The following SLC24A3 variants were observed in gnomAD, a reference collection of about 807,000 sequenced individuals.
SLC24A3 encodes the protein solute carrier family 24 member 3.
In SLC24A3, 28 loss-of-function variants were observed where a neutral mutation model predicts 75.8. That is an observed-to-expected ratio of 0.37 (90% CI 0.27 to 0.51). The LOEUF (loss-of-function observed/expected upper bound fraction) is 0.51, where lower values mean the gene tolerates loss of function less well. Among genes scored for constraint, SLC24A3 ranks in the 20% least tolerant of loss-of-function variants. The pLI is 0.94. For synonymous variants in SLC24A3, 372 were observed against 334.1 expected, an observed-to-expected ratio of 1.11 and a Z score of -1.24; for missense variants, 663 against 847.8, an observed-to-expected ratio of 0.78 and a Z score of 2.71.
chr20:19,552,974 C>T (rs1044036666), intron 3 of SLC24A3, among the ~76,000 whole-genome samples: 13 of 152,094 alleles, frequency 8.5e-5, no homozygotes, highest in African/African-American at 2.9e-4. Context: ...TTTGCAAGGT[C>T]CCCAGACTAG....
intron 3 of SLC24A3, among the ~76,000 whole-genome samples, chr20:19,547,864 T>C (rs1321753433): frequency 2.0e-5 from 3 of 152,236 alleles, no homozygotes; most frequent in South Asian, 4.1e-4. Flanking sequence ...GAGATCTCCT[T>C]TGGGCGCAGC....
rs75369866 is a variant in SLC24A3 at position 19,421,817 on chromosome 20, G to A, written c.272-93671G>A. On this transcript the variant is annotated intron_variant, in intron 2 of 16. Coordinates refer to ENST00000328041, the MANE Select transcript of SLC24A3 (RefSeq NM_020689.4). ...TCCAGGTTCAACACAGGAAGAAGAG[G>A]GGCCAGGCTTCTCCCTTCTGCAAAA... Among the ~76,000 whole-genome samples, 1,061 of 152,308 alleles carry A rather than the reference G, an allele frequency of 7.0e-3. 11 individuals are homozygous for A. The highest frequency in any genetic ancestry group is 0.024 in the African/African-American group (1,007 of 41,580).
At chr20:19,517,313 T>C (rs1180954343) in intron 3 of SLC24A3, among the ~76,000 whole-genome samples, 1 of 152,160 alleles carries the variant, frequency 6.6e-6, no homozygotes, top group East Asian at 1.9e-4. Flanking sequence ...CTGCGTGCTT[T>C]CATCCTCCTG....
chr20:19,269,567 C>A (rs1343850105), intron 1 of SLC24A3, among the ~76,000 whole-genome samples: 1 of 152,330 alleles, frequency 6.6e-6, no homozygotes, highest in Non-Finnish European at 1.5e-5. Context: ...CATCTGCCCC[C>A]CTTTGCTCTT....
rs190088914 is a variant in SLC24A3, at chr20:19,290,584, T to A, written c.271+9497T>A. Among the ~76,000 whole-genome samples the A allele has an allele frequency of 2.4e-4, 37 of 152,302 alleles. No homozygotes were observed. In the East Asian group the frequency reaches 7.0e-3, roughly 29 times the overall value. ...CCACCAGACACCAAGCCTGCTGGCA[T>A]CTTGATCTTGGACTTCCCAGCCTTC... is the stretch of plus-strand genomic sequence containing the variant. On this transcript the variant is annotated intron_variant, in intron 2 of 16. Coordinates refer to ENST00000328041, the MANE Select transcript of SLC24A3 (RefSeq NM_020689.4).
chr20:19,261,024 A>G (rs1982970800), intron 1 of SLC24A3, among the ~76,000 whole-genome samples: 1 of 152,208 alleles, frequency 6.6e-6, no homozygotes, highest in Non-Finnish European at 1.5e-5. Context: ...ATAGCCCCTC[A>G]GAAGCCCCAG....
chr20:19,675,327 G>T (rs748266835), intron 9 of SLC24A3, among the ~76,000 whole-genome samples: 8 of 152,200 alleles, frequency 5.3e-5, no homozygotes, highest in Non-Finnish European at 1.2e-4. Context: ...ATCAACAATG[G>T]CCAGTTTGGA....
rs116491681 is a variant in SLC24A3, at chr20:19,645,021, G to A, written c.613-9041G>A. ...CTCCGATAGAAATGTGAGCAATTGC[G>A]TGCTGGATTACAGTCACCGCAGTTA... On this transcript the variant is annotated intron_variant, in intron 6 of 16. Coordinates refer to ENST00000328041, the MANE Select transcript of SLC24A3 (RefSeq NM_020689.4). Among the ~76,000 whole-genome samples, 430 of 152,288 alleles carry A rather than the reference G, an allele frequency of 2.8e-3. 1 individual carries two copies. The highest frequency in any genetic ancestry group is 9.4e-3 in the African/African-American group (390 of 41,548).
chr20:19,513,460 A>G (rs571156891), intron 2 of SLC24A3, among the ~76,000 whole-genome samples: 5 of 152,352 alleles, frequency 3.3e-5, no homozygotes, highest in African/African-American at 1.2e-4. Flanking sequence ...CAGGTGCTCA[A>G]TAAATGCTCA....
At chr20:19,560,283 G>A (rs558638971) in intron 3 of SLC24A3, among the ~76,000 whole-genome samples, 3 of 152,310 alleles carry the variant, frequency 2.0e-5, no homozygotes, top group Non-Finnish European at 4.4e-5. Flanking sequence ...ACTCAAAATC[G>A]TCCCAAGGAG....
At chr20:19,249,822 A>C (rs1317660834) in intron 1 of SLC24A3, among the ~76,000 whole-genome samples, 2 of 152,206 alleles carry the variant, frequency 1.3e-5, no homozygotes, top group Non-Finnish European at 2.9e-5. Flanking sequence ...CGAAATTTAC[A>C]CTTTTAGCAA....
chr20:19,280,882 G>A (rs1983640663), intron 1 of SLC24A3, 77 bp from the exon 2 acceptor site: 2 of 1,532,582 alleles, frequency 1.3e-6, no homozygotes, highest in East Asian at 2.4e-5. Flanking sequence ...GGCTGATCAG[G>A]GCAGCGGGCA....
At chr20:19,366,824 A>T (rs1045284400) in intron 2 of SLC24A3, among the ~76,000 whole-genome samples, 5 of 152,216 alleles carry the variant, frequency 3.3e-5, no homozygotes, top group Non-Finnish European at 7.3e-5. Context: ...TAAAAGAAGG[A>T]TAAGGGTCAA....
At chr20:19,428,686 A>G (rs1987053287) in intron 2 of SLC24A3, among the ~76,000 whole-genome samples, 1 of 152,134 alleles carries the variant, frequency 6.6e-6, no homozygotes, top group Admixed American at 6.5e-5. Flanking sequence ...GCAGCCCTAG[A>G]TTGTAGTTCC....
At chr20:19,342,864 A>T (rs577266371) in intron 2 of SLC24A3, among the ~76,000 whole-genome samples, 1 of 152,146 alleles carries the variant, frequency 6.6e-6, no homozygotes, top group African/African-American at 2.4e-5. Flanking sequence ...AGGTGAGGAG[A>T]TTGAGACCAT....
rs193134545 is a variant in SLC24A3, at chr20:19,450,890, T to A, written c.272-64598T>A. On this transcript the variant is annotated intron_variant, in intron 2 of 16. Coordinates refer to ENST00000328041, the MANE Select transcript of SLC24A3 (RefSeq NM_020689.4). The stretch of plus-strand genomic sequence containing the variant: ...GGCTCACACCTGTAGCCCCAGCTAC[T>A]AAGGAGACTGAGGCAGAAGAATCAC... 4.6e-5 allele frequency among the ~76,000 whole-genome samples: 7 copies of A among 152,166 alleles called. No homozygotes were observed. The East Asian group carries it at 1.4e-3, about 29-fold the overall frequency.
At chr20:19,390,618 G>A (rs1231880659) in intron 2 of SLC24A3, among the ~76,000 whole-genome samples, 2 of 152,214 alleles carry the variant, frequency 1.3e-5, no homozygotes, top group African/African-American at 4.8e-5. Context: ...GAGTTTGCTG[G>A]ACCATGGAGC....
chr20:19,429,402 A>T (rs1253474646), intron 2 of SLC24A3, among the ~76,000 whole-genome samples: 1 of 152,184 alleles, frequency 6.6e-6, no homozygotes, highest in African/African-American at 2.4e-5. Context: ...TAATGCTGAA[A>T]CTCTCATTTT....
At chr20:19,423,057 G>A (rs1246431680) in intron 2 of SLC24A3, among the ~76,000 whole-genome samples, 1 of 152,208 alleles carries the variant, frequency 6.6e-6, no homozygotes, top group East Asian at 1.9e-4. Context: ...TATTCATGTG[G>A]CCTGAGCAAA....
Sources: allele counts gnomAD v4.1 joint callset (sites outside exome capture counted in the v4.1 genomes callset), GRCh38; gene constraint gnomAD v4.1.1; transcripts MANE v1.5; gene names NCBI Gene and HGNC (gene_info 2026-07-23, HGNC 2026-07-21).